The following KCNH5 variants were observed in gnomAD, a reference collection of about 807,000 sequenced individuals.
KCNH5 encodes potassium voltage-gated channel subfamily H member 5, also known as voltage-gated delayed rectifier potassium channel KCNH5.
Under a neutral mutation model 96.1 loss-of-function variants are expected in KCNH5, and 46 were observed. The observed-to-expected ratio is 0.48, with a 90% CI of 0.38 to 0.61. KCNH5 has a LOEUF of 0.61. Among genes scored for constraint, KCNH5 ranks in the 20% least tolerant of loss-of-function variants. The probability of loss-of-function intolerance (pLI) is 0.00; values close to 1 mark genes in which losing one functional copy is unlikely to be tolerated. For synonymous variants in KCNH5, 439 were observed against 449.8 expected (o/e 0.98, Z 0.30); for missense variants, 907 against 1,225.8 (o/e 0.74, Z 3.88).
chr14:62,711,282 G>A (rs1257130271), intron 10 of KCNH5, among the ~76,000 whole-genome samples: 1 of 149,690 alleles, frequency 6.7e-6, no homozygotes, highest in African/African-American at 2.5e-5. Flanking sequence ...TATTTAGCTA[G>A]AAACAAAGAC....
At chr14:62,850,909 C>T (rs1887790867) in intron 7 of KCNH5, among the ~76,000 whole-genome samples, 1 of 152,172 alleles carries the variant, frequency 6.6e-6, no homozygotes, top group Non-Finnish European at 1.5e-5. Flanking sequence ...TTCCATCCTA[C>T]ATCCTCCAAG....
At chr14:63,003,977 C>G (rs1175206345) in intron 3 of KCNH5, among the ~76,000 whole-genome samples, 1 of 151,922 alleles carries the variant, frequency 6.6e-6, no homozygotes, top group Non-Finnish European at 1.5e-5. Context: ...AGAAACAGCC[C>G]CCTGCTAATC....
At position 62,981,007 on chromosome 14, in the gene KCNH5, AGTCG is replaced by A; in HGVS notation, c.803_806del (p.Thr268IlefsTer16). On this transcript the variant is annotated frameshift_variant, in exon 6 of 11. Transcript: ENST00000322893. LOFTEE classifies it high-confidence loss of function. ...TGACCTCTCCACCGGGCCCCACGAA[AGTCG>A]TGTGAAAATTTAAAACGATGTCAAC... is the stretch of plus-strand genomic sequence containing the variant. 6.2e-7 allele frequency: 1 copy of A among 1,614,166 alleles called. No individual in the cohort carries two copies. The highest frequency in any genetic ancestry group is 8.5e-7 in the Non-Finnish European group (1 of 1,180,024).
At chr14:62,899,963 T>C (rs995438780) in intron 7 of KCNH5, among the ~76,000 whole-genome samples, 7 of 152,364 alleles carry the variant, frequency 4.6e-5, no homozygotes, top group Admixed American at 2.0e-4. Flanking sequence ...TATCTTGTAA[T>C]CAACAACGAC....
In KCNH5 at chr14:62,954,108, T is replaced by C. The variant is rs536416467; in HGVS notation, c.943-3549A>G. ...ATAGGAGTAGTTCCCAGAATGTCCA[T>C]GCTGTTTCATGCTACGTTACAAGTT... is the stretch of plus-strand genomic sequence containing the variant. On this transcript the variant is annotated intron_variant, in intron 6 of 10. Transcript: ENST00000322893. Among the ~76,000 whole-genome samples the C allele has an allele frequency of 1.2e-4, 18 of 152,310 alleles. No individual in the cohort carries two copies. The South Asian group carries it at 2.3e-3, about 19-fold the overall frequency.
intron 7 of KCNH5, among the ~76,000 whole-genome samples, chr14:62,908,780 G>GTTTTTTTT (rs1451340124): frequency 1.5e-4 from 3 of 19,804 alleles, no homozygotes; most frequent in African/African-American, 2.2e-4. Context: ...ATTTTGCTTT[G>GTTTTTTTT]TATTTTTTTT....
chr14:63,029,674 G>A (rs943050039), intron 1 of KCNH5, among the ~76,000 whole-genome samples: 1 of 151,850 alleles, frequency 6.6e-6, no homozygotes, highest in African/African-American at 2.4e-5. Context: ...GAGAAGAAGA[G>A]AGGGAGACAG....
chr14:62,960,919 CCAGA>C (rs532669583), intron 6 of KCNH5, among the ~76,000 whole-genome samples: 29 of 152,190 alleles, frequency 1.9e-4, no homozygotes, highest in East Asian at 1.2e-3. Context: ...GCATAAATGG[CCAGA>C]CAGACAGACA....
intron 6 of KCNH5, among the ~76,000 whole-genome samples, chr14:62,950,931 C>A (rs1300771046): frequency 1.3e-5 from 2 of 152,060 alleles, no homozygotes; most frequent in African/African-American, 4.8e-5. Flanking sequence ...CCTTTTATTT[C>A]CTTTTCCTAT....
At chr14:62,943,964 G>A (rs746124640) in intron 7 of KCNH5, among the ~76,000 whole-genome samples, 2 of 152,178 alleles carry the variant, frequency 1.3e-5, no homozygotes, top group Admixed American at 6.6e-5. Flanking sequence ...CAGGTAGCAG[G>A]TAAGAAAAGT....
At chr14:63,001,526 C>A in intron 3 of KCNH5, 67 bp from the exon 4 acceptor site, 1 of 1,457,648 alleles carries the variant, frequency 6.9e-7, no homozygotes, top group South Asian at 1.4e-5. Flanking sequence ...GGTTTGGTCT[C>A]CTGGCTTCCT....
chr14:63,043,214 G>T (rs565802595), intron 1 of KCNH5, among the ~76,000 whole-genome samples: 1 of 152,192 alleles, frequency 6.6e-6, no homozygotes, highest in South Asian at 2.1e-4. Flanking sequence ...TGCATAAGAA[G>T]CTTCAACCAC....
At chr14:62,983,899 G>A (rs1890657521) in intron 5 of KCNH5, among the ~76,000 whole-genome samples, 1 of 152,052 alleles carries the variant, frequency 6.6e-6, no homozygotes, top group South Asian at 2.1e-4. Flanking sequence ...ACAGTGATTT[G>A]CATATGTAAA....
intron 7 of KCNH5, among the ~76,000 whole-genome samples, chr14:62,856,693 G>A (rs1887936034): frequency 1.3e-5 from 2 of 151,872 alleles, no homozygotes; most frequent in Non-Finnish European, 2.9e-5. Flanking sequence ...TCTCATAATG[G>A]CTCCTGGCTT....
intron 2 of KCNH5, among the ~76,000 whole-genome samples, chr14:63,011,258 A>G (rs1446691403): frequency 6.6e-6 from 1 of 152,078 alleles, no homozygotes; most frequent in African/African-American, 2.4e-5. Flanking sequence ...TGAGGCGGGC[A>G]GATCACCTTA....
At chr14:62,878,211 G>A (rs55815740) in intron 7 of KCNH5, among the ~76,000 whole-genome samples, 47,571 of 148,932 alleles carry the variant, frequency 0.32, 8,950 homozygotes, top group South Asian at 0.62. Flanking sequence ...TGGGGGGGGG[G>A]GCGGAGGGAT....
intron 8 of KCNH5, among the ~76,000 whole-genome samples, chr14:62,832,903 T>A (rs931467614): frequency 6.6e-6 from 1 of 152,148 alleles, no homozygotes; most frequent in Non-Finnish European, 1.5e-5. Flanking sequence ...CTGTCAGCCA[T>A]TTGTATGTTT....
At chr14:62,850,974 C>T (rs943628816) in intron 7 of KCNH5, among the ~76,000 whole-genome samples, 1 of 152,158 alleles carries the variant, frequency 6.6e-6, no homozygotes, top group Admixed American at 6.6e-5. Context: ...GCAGTTTCAT[C>T]AGCCAAATCC....
At chr14:62,818,126 A>C (rs1361476649) in intron 8 of KCNH5, among the ~76,000 whole-genome samples, 1 of 144,300 alleles carries the variant, frequency 6.9e-6, no homozygotes, top group Non-Finnish European at 1.5e-5. Context: ...GGGGTGGAAG[A>C]AATGGGGAGA....
Sources: allele counts gnomAD v4.1 joint callset (sites outside exome capture counted in the v4.1 genomes callset), GRCh38; gene constraint gnomAD v4.1.1; transcripts MANE v1.5; gene names NCBI Gene and HGNC (gene_info 2026-07-23, HGNC 2026-07-21).